The following TRPM7 variants were observed in gnomAD, a reference collection of about 807,000 sequenced individuals.
TRPM7 encodes transient receptor potential cation channel subfamily M member 7.
TRPM7 carries 134 observed loss-of-function variants against 229.7 expected under a neutral mutation model. The observed-to-expected ratio is 0.58, with a 90% CI of 0.51 to 0.67. TRPM7 has a LOEUF of 0.67. Ranked by LOEUF, TRPM7 falls within the 30% of genes least tolerant of loss-of-function variation. The pLI is 0.00. For synonymous variants in TRPM7, 699 were observed against 715.2 expected (o/e 0.98, Z 0.36); for missense variants, 1,901 against 2,210.0 (o/e 0.86, Z 2.80).
At chr15:50,647,989 A>G (rs1281324323) in intron 4 of TRPM7, among the ~76,000 whole-genome samples, 1 of 152,212 alleles carries the variant, frequency 6.6e-6, no homozygotes, top group Non-Finnish European at 1.5e-5. Context: ...TATTTTGCCC[A>G]GGCTGGTCTC....
At chr15:50,626,408 A>G (rs1028191300) in intron 11 of TRPM7, among the ~76,000 whole-genome samples, 1 of 152,022 alleles carries the variant, frequency 6.6e-6, no homozygotes, top group African/African-American at 2.4e-5. Context: ...TCTGAGGGGG[A>G]AAAAGGGACC....
intron 5 of TRPM7, 35 bp downstream of exon 5, chr15:50,643,305 C>T (rs761864514): frequency 1.3e-6 from 2 of 1,546,542 alleles, no homozygotes; most frequent in East Asian, 2.3e-5. Context: ...AAAATTAAAA[C>T]ACACTAAATA....
chr15:50,656,412 G>A (rs777168106), intron 3 of TRPM7, among the ~76,000 whole-genome samples: 41 of 151,950 alleles, frequency 2.7e-4, no homozygotes, highest in Non-Finnish European at 5.4e-4. Context: ...CGATCCTCCC[G>A]GCTCCAATGA....
intron 12 of TRPM7, among the ~76,000 whole-genome samples, chr15:50,622,562 T>G (rs747519821): frequency 5.3e-5 from 8 of 152,186 alleles, no homozygotes; most frequent in African/African-American, 1.9e-4. Context: ...GCCAACAAAG[T>G]TCAACGCAAA....
chr15:50,589,520 T>A, intron 27 of TRPM7, 72 bp downstream of exon 27: 2 of 1,096,580 alleles, frequency 1.8e-6, no homozygotes, highest in Non-Finnish European at 2.7e-6. Flanking sequence ...AAATGTTTAA[T>A]TAAATTTTGA....
Position 50,594,534 on chromosome 15 carries a change from CATG to C in TRPM7, c.3367_3369del (p.His1123del). The C allele has an allele frequency of 6.2e-7, 1 of 1,613,148 alleles. No homozygotes were observed. Among genetic ancestry groups the C allele is most frequent in the Non-Finnish European group, 8.5e-7 (1 of 1,179,502 alleles). On this transcript the variant is annotated inframe_deletion, in exon 24 of 39. Coordinates refer to ENST00000646667, the MANE Select transcript of TRPM7 (RefSeq NM_017672.6). ...AGTGGAGGAGGCAGAACTGGTTTCT[CATG>C]ATAAGCCATAATAAAATGATAACGC... is the stretch of plus-strand genomic sequence containing the variant.
chr15:50,576,032 C>T, intron 31 of TRPM7, 113 bp from the exon 32 acceptor site: 2 of 1,086,678 alleles, frequency 1.8e-6, no homozygotes, highest in Non-Finnish European at 2.6e-6. Context: ...AACTGTTCCT[C>T]ACAAAAACAG....
intron 36 of TRPM7, among the ~76,000 whole-genome samples, chr15:50,573,427 A>G (rs1234572955): frequency 1.3e-5 from 2 of 152,262 alleles, no homozygotes; most frequent in Non-Finnish European, 2.9e-5. Flanking sequence ...GACAGTGAAC[A>G]GAGACCTCAG....
At chr15:50,655,013 A>AG (rs1432048684) in intron 3 of TRPM7, among the ~76,000 whole-genome samples, 6 of 149,942 alleles carry the variant, frequency 4.0e-5, no homozygotes, top group South Asian at 2.1e-4. Flanking sequence ...AAAAAAAAAA[A>AG]AAAAGAAAAG....
chr15:50,617,950 G>T (rs1157237629), intron 13 of TRPM7, among the ~76,000 whole-genome samples: 1 of 152,118 alleles, frequency 6.6e-6, no homozygotes, highest in Non-Finnish European at 1.5e-5. Flanking sequence ...TGAGCCACCA[G>T]CCCTGGCCTT....
intron 11 of TRPM7, among the ~76,000 whole-genome samples, chr15:50,625,000 T>C (rs2060514886): frequency 6.6e-6 from 1 of 152,214 alleles, no homozygotes; most frequent in Non-Finnish European, 1.5e-5. Flanking sequence ...GTGCTTAATA[T>C]AACACATCTG....
chr15:50,673,477 G>T (rs771536109), intron 1 of TRPM7, among the ~76,000 whole-genome samples: 19 of 151,926 alleles, frequency 1.3e-4, no homozygotes, highest in Admixed American at 7.9e-4. Flanking sequence ...ATGCCTTTGC[G>T]TCCTCATAGC....
Position 50,613,852 on chromosome 15 carries a change from G to C in TRPM7, c.1636-11C>G, listed in dbSNP as rs1387490298. ...ATTTCGGCCAGACCTCTGAAAATGA[G>C]ATCTTATTAGCTTTTATAGATTTAA... On this transcript the variant is annotated splice_polypyrimidine_tract_variant and intron_variant, in intron 14 of 38. Coordinates refer to ENST00000646667, the MANE Select transcript of TRPM7 (RefSeq NM_017672.6). 1 of 1,604,116 alleles carries C rather than the reference G, an allele frequency of 6.2e-7. No homozygotes were observed. Among genetic ancestry groups the C allele is most frequent in the Non-Finnish European group, 8.5e-7 (1 of 1,177,756 alleles).
At chr15:50,569,519 G>GT (rs1005652359) in intron 38 of TRPM7, among the ~76,000 whole-genome samples, 6 of 152,052 alleles carry the variant, frequency 3.9e-5, no homozygotes, top group African/African-American at 1.4e-4. Context: ...ACTCTGTTCT[G>GT]TTTTTTCCTC....
At chr15:50,594,362 T>C (rs1463786666) in intron 24 of TRPM7, 67 bp downstream of exon 24, 1 of 1,367,754 alleles carries the variant, frequency 7.3e-7, no homozygotes, top group African/African-American at 1.5e-5. Context: ...AAAATCAATA[T>C]ATAGCCTTTG....
At chr15:50,636,339 C>T (rs576919435) in intron 7 of TRPM7, among the ~76,000 whole-genome samples, 26 of 152,094 alleles carry the variant, frequency 1.7e-4, no homozygotes, top group African/African-American at 4.1e-4. Context: ...TACAAGCACA[C>T]GCCACCACGC....
chr15:50,631,708 ATC>A (rs1168581065), intron 9 of TRPM7, among the ~76,000 whole-genome samples: 2 of 152,124 alleles, frequency 1.3e-5, no homozygotes, highest in Non-Finnish European at 2.9e-5. Context: ...TAAAAACTTT[ATC>A]ATTTACTAAA....
At chr15:50,678,539 T>TACAC (rs1371201599) in intron 1 of TRPM7, among the ~76,000 whole-genome samples, 12 of 138,176 alleles carry the variant, frequency 8.7e-5, no homozygotes, top group East Asian at 4.2e-4. Flanking sequence ...TATATATATA[T>TACAC]ATACACACAC....
chr15:50,602,862 T>C (rs905720113), intron 21 of TRPM7, among the ~76,000 whole-genome samples: 3 of 152,136 alleles, frequency 2.0e-5, no homozygotes, highest in African/African-American at 4.8e-5. Flanking sequence ...GAGAAAGACA[T>C]CCTAGCAGAG....
Sources: allele counts gnomAD v4.1 joint callset (sites outside exome capture counted in the v4.1 genomes callset), GRCh38; gene constraint gnomAD v4.1.1; transcripts MANE v1.5; gene names NCBI Gene and HGNC (gene_info 2026-07-23, HGNC 2026-07-21).